CCSER1: variants seen among roughly 807,000 people sequenced by gnomAD.
CCSER1 encodes the protein serine-rich coiled-coil domain-containing protein 1.
In CCSER1, 41 loss-of-function variants were observed where a neutral mutation model predicts 82.0. The observed-to-expected ratio is 0.50, with a 90% CI of 0.39 to 0.65. The LOEUF is 0.65. Ranked by LOEUF, CCSER1 falls within the 30% of genes least tolerant of loss-of-function variation. The pLI is 0.00. For missense variants in CCSER1, 1,119 were observed against 1,064.2 expected, an observed-to-expected ratio of 1.05 and a Z score of -0.72; for synonymous variants, 414 against 383.9, an observed-to-expected ratio of 1.08 and a Z score of -0.92.
chr4:90,702,113 T>G (rs1738274583), intron 6 of CCSER1, among the ~76,000 whole-genome samples: 1 of 152,192 alleles, frequency 6.6e-6, no homozygotes, highest in African/African-American at 2.4e-5. Context: ...TGTGGGTTTG[T>G]CATAAATAGC....
At chr4:91,422,515 T>A (rs1753737516) in intron 10 of CCSER1, among the ~76,000 whole-genome samples, 1 of 152,202 alleles carries the variant, frequency 6.6e-6, no homozygotes, top group South Asian at 2.1e-4. Context: ...ATATTTTGTT[T>A]TCCATGTGGA....
chr4:91,220,529 A>G (rs1475565038), intron 10 of CCSER1, among the ~76,000 whole-genome samples: 1 of 152,230 alleles, frequency 6.6e-6, no homozygotes, highest in Admixed American at 6.5e-5. Context: ...AAAGAGTGAC[A>G]ATTCAGAAAC....
intron 9 of CCSER1, among the ~76,000 whole-genome samples, chr4:90,975,763 A>G (rs1303034710): frequency 6.6e-6 from 1 of 151,270 alleles, no homozygotes; most frequent in East Asian, 1.9e-4. Flanking sequence ...CCTTATTAGC[A>G]ATGTGTTTGT....
chr4:90,949,962 G>A (rs1306195310), intron 9 of CCSER1, among the ~76,000 whole-genome samples: 1 of 152,020 alleles, frequency 6.6e-6, no homozygotes, highest in East Asian at 1.9e-4. Context: ...TGTCCCTTAC[G>A]TTAGTCTGAC....
intron 9 of CCSER1, among the ~76,000 whole-genome samples, chr4:90,932,830 A>G (rs1304845690): frequency 7.1e-6 from 1 of 141,432 alleles, no homozygotes; most frequent in African/African-American, 2.6e-5. Flanking sequence ...TCCGTCTCCA[A>G]AAAAAAAAAA....
intron 10 of CCSER1, among the ~76,000 whole-genome samples, chr4:91,496,729 T>TATATATATTCAATAATATATTGA: frequency 1.8e-5 from 1 of 55,706 alleles, no homozygotes; most frequent in African/African-American, 6.1e-5. Context: ...ATAGAATATA[T>TATATATATTCAATAATATATTGA]ATATATATTG....
intron 4 of CCSER1, among the ~76,000 whole-genome samples, chr4:90,418,349 T>A (rs1455135474): frequency 6.6e-6 from 1 of 152,106 alleles, no homozygotes; most frequent in Non-Finnish European, 1.5e-5. Context: ...CCAGTCTCTA[T>A]TAGTGGAAAA....
chr4:90,479,899 G>C (rs967041631), intron 5 of CCSER1, among the ~76,000 whole-genome samples: 6 of 152,110 alleles, frequency 3.9e-5, no homozygotes, highest in African/African-American at 1.4e-4. Context: ...CCCAGTAATG[G>C]GATGGCTGGG....
chr4:91,565,027 TGTGTGTGTGTG>T (rs1048148623), intron 10 of CCSER1, among the ~76,000 whole-genome samples: 1 of 186 alleles, frequency 5.4e-3, no homozygotes, highest in Non-Finnish European at 0.014. Context: ...CACCTTGAGT[TGTGTGTGTGTG>T]TGTGTGTGTG....
intron 1 of CCSER1, among the ~76,000 whole-genome samples, chr4:90,206,834 T>A (rs1162395943): frequency 2.6e-5 from 4 of 151,094 alleles, no homozygotes; most frequent in African/African-American, 9.8e-5. Context: ...TGTAGGTCTC[T>A]AAGAACTTGC....
chr4:90,838,894 C>T (rs762968784), intron 8 of CCSER1: 3 of 1,613,156 alleles, frequency 1.9e-6, no homozygotes, highest in Non-Finnish European at 2.5e-6. Context: ...ATTGGCGGCG[C>T]ACGCCTCATT....
chr4:91,542,868 T>C lies in CCSER1; in HGVS notation c.2218-55704T>C, dbSNP rs185935343. On this transcript the variant is annotated intron_variant, in intron 10 of 10. Transcript: ENST00000509176. ...TTCCTGGATATCCTTGTTACTTTTT[T>C]TCTCTTTGATCTGTCTAATGTTGAC... Among the ~76,000 whole-genome samples the C allele has an allele frequency of 9.2e-3, 1,405 of 152,182 alleles. 9 individuals carry two copies. The highest frequency in any genetic ancestry group is 0.016 in the Non-Finnish European group (1,098 of 67,970).
intron 10 of CCSER1, among the ~76,000 whole-genome samples, chr4:91,181,629 T>C (rs2149030709): frequency 6.6e-6 from 1 of 152,300 alleles, no homozygotes; most frequent in Non-Finnish European, 1.5e-5. Context: ...AGTGTGGCCA[T>C]GGCACGCAGA....
intron 10 of CCSER1, among the ~76,000 whole-genome samples, chr4:91,121,369 G>C (rs2148891646): frequency 6.6e-6 from 1 of 151,794 alleles, no homozygotes; most frequent in Admixed American, 6.6e-5. Context: ...TCAAAGTTCT[G>C]ACACTTACTG....
intron 5 of CCSER1, among the ~76,000 whole-genome samples, chr4:90,572,735 T>A (rs886769968): frequency 6.6e-6 from 1 of 152,170 alleles, no homozygotes; most frequent in African/African-American, 2.4e-5. Context: ...GTTTTTCTTA[T>A]TTTACTGGAT....
chr4:90,364,098 A>G (rs1442917312), intron 3 of CCSER1, among the ~76,000 whole-genome samples: 2 of 152,072 alleles, frequency 1.3e-5, no homozygotes, highest in African/African-American at 4.8e-5. Flanking sequence ...CTTCTCTTGA[A>G]ACATAGTGGG....
chr4:90,957,514 AAC>A (rs1733595474), intron 9 of CCSER1, among the ~76,000 whole-genome samples: 2 of 115,660 alleles, frequency 1.7e-5, no homozygotes, highest in African/African-American at 6.0e-5. Flanking sequence ...TATATAATAT[AAC>A]ATAATATCAT....
intron 6 of CCSER1, among the ~76,000 whole-genome samples, chr4:90,703,765 A>G (rs1355331471): frequency 6.6e-6 from 1 of 151,972 alleles, no homozygotes; most frequent in Non-Finnish European, 1.5e-5. Flanking sequence ...GTTGGTTTAA[A>G]GTCTGTTTTA....
intron 10 of CCSER1, among the ~76,000 whole-genome samples, chr4:91,367,312 G>T (rs1267614021): frequency 1.0e-5 from 1 of 99,482 alleles, no homozygotes; most frequent in African/African-American, 3.7e-5. Flanking sequence ...GTGAGATCCT[G>T]TCTCCAAAAA....
Sources: gnomAD v4.1 joint callset for allele counts (sites outside exome capture counted in the v4.1 genomes callset) on GRCh38, gnomAD v4.1.1 for gene constraint, MANE v1.5 for transcripts, NCBI Gene and HGNC (gene_info 2026-07-23, HGNC 2026-07-21) for gene names.